CFAP97D2: variants seen among roughly 807,000 people sequenced by gnomAD.
CFAP97D2 encodes uncharacterized protein CFAP97D2.
At chr13:114,214,956 T>C (rs1245657977) in intron 4 of CFAP97D2, among the ~76,000 whole-genome samples, 1 of 152,232 alleles carries the variant, frequency 6.6e-6, no homozygotes, top group African/African-American at 2.4e-5. Context: ...ATTTAGGTTG[T>C]TTTCAGTTTT....
intron 1 of CFAP97D2, among the ~76,000 whole-genome samples, chr13:114,190,697 T>C (rs2080866365): frequency 6.6e-6 from 1 of 152,268 alleles, no homozygotes; most frequent in South Asian, 2.1e-4. Context: ...AAATGTTAGT[T>C]CTTTCCAATT....
chr13:114,213,698 A>G (rs1372054902), intron 4 of CFAP97D2, among the ~76,000 whole-genome samples: 1 of 143,106 alleles, frequency 7.0e-6, no homozygotes, highest in Admixed American at 7.0e-5. Flanking sequence ...CCCCTGCACA[A>G]GCTCCAGGAC....
intron 3 of CFAP97D2, among the ~76,000 whole-genome samples, chr13:114,205,589 G>T (rs2080936164): frequency 6.6e-6 from 1 of 152,150 alleles, no homozygotes; most frequent in South Asian, 2.1e-4. Flanking sequence ...TCTGTTGCAA[G>T]TGAAACAGCA....
chr13:114,179,613 G>GCTTT lies in CFAP97D2; in HGVS notation c.90+206_90+209dup, dbSNP rs754208065. Among the ~76,000 whole-genome samples, 2 of 151,886 alleles carry GCTTT rather than the reference G, an allele frequency of 1.3e-5. No individual in the cohort carries two copies. Among genetic ancestry groups the GCTTT allele is most frequent in the East Asian group, 3.9e-4 (2 of 5,176 alleles). On this transcript the variant is annotated intron_variant, in intron 1 of 4. Transcript: ENST00000646158. The surrounding 1 kb of genome is among the most constrained non-coding windows in gnomAD (Gnocchi z 4.8). ...TAAAAATCTCATTAAATAGTTGACG[G>GCTTT]CTTTCTTTCTTTCTTTTTTTTTTTT...
At chr13:114,190,049 G>A (rs1409707165) in intron 1 of CFAP97D2, among the ~76,000 whole-genome samples, 2 of 152,068 alleles carry the variant, frequency 1.3e-5, no homozygotes, top group Non-Finnish European at 2.9e-5. Flanking sequence ...AGTGGAGATG[G>A]GAGGATCACT....
intron 4 of CFAP97D2, among the ~76,000 whole-genome samples, chr13:114,221,624 T>G (rs553586917): frequency 1.3e-5 from 2 of 152,172 alleles, no homozygotes; most frequent in East Asian, 3.9e-4. Flanking sequence ...GGAACCCTCA[T>G]AGGCTGCTGG....
rs1379194706 is a variant in CFAP97D2 at position 114,179,563 on chromosome 13, A to T, written c.90+143A>T. On this transcript the variant is annotated intron_variant, in intron 1 of 4. Transcript: ENST00000646158. The surrounding 1 kb of genome is among the most constrained non-coding windows in gnomAD (Gnocchi z 4.8). ...GGTTGAAATGACATTTCCTAACAAG[A>T]TTCATCATCTATGTTGCCATACAAT... 5.1e-6 allele frequency: 2 copies of T among 393,382 alleles called. No homozygotes were observed. The highest frequency in any genetic ancestry group is 8.9e-5 in the Admixed American group (2 of 22,562). The allele number at this position is 393,382 out of a possible 1,614,324, so 24.4% of individuals were successfully genotyped here. A position where few individuals can be genotyped will look rare whatever the true frequency, so the allele number is the denominator to read the frequency against.
intron 4 of CFAP97D2, among the ~76,000 whole-genome samples, chr13:114,215,486 T>C (rs1178213865): frequency 6.6e-6 from 1 of 152,200 alleles, no homozygotes; most frequent in Non-Finnish European, 1.5e-5. Context: ...CAAGCTAAGA[T>C]TATGCAAGTA....
Position 114,211,245 on chromosome 13 carries a change from T to C in CFAP97D2, c.291-667T>C, listed in dbSNP as rs2080965419. ...TCCCTCTCCATCCAATGCAGCCTCCTGAACAGGTTTCACCGGTCCCATCTC... is the reference window on the plus strand; with the variant it reads ...TCCCTCTCCATCCAATGCAGCCTCCCGAACAGGTTTCACCGGTCCCATCTC... On this transcript the variant is annotated intron_variant, in intron 3 of 4. Coordinates refer to ENST00000646158, the Ensembl canonical transcript of CFAP97D2. The surrounding 1 kb of genome is among the most constrained non-coding windows in gnomAD (Gnocchi z 4.2). Among the ~76,000 whole-genome samples the C allele has an allele frequency of 6.6e-6, 1 of 152,168 alleles. No homozygotes were observed. The highest frequency in any genetic ancestry group is 1.5e-5 in the Non-Finnish European group (1 of 68,020).
At chr13:114,194,347 A>G (rs2080878538) in intron 1 of CFAP97D2, among the ~76,000 whole-genome samples, 1 of 152,244 alleles carries the variant, frequency 6.6e-6, no homozygotes, top group Non-Finnish European at 1.5e-5. Flanking sequence ...TATACAGAAA[A>G]TGTCAGGCAT....
Position 114,217,102 on chromosome 13 carries a change from T to C in CFAP97D2, c.480+5001T>C, listed in dbSNP as rs1594523301. 3.3e-5 allele frequency among the ~76,000 whole-genome samples: 5 copies of C among 152,230 alleles called. No homozygotes were observed. The South Asian group carries it at 1.0e-3, about 32-fold the overall frequency. ...CATAAATGTCTTCTTTTGAGAAGTG[T>C]CTGTTCATATGCTTTGCCCACTTTT... On this transcript the variant is annotated intron_variant, in intron 4 of 4. Transcript: ENST00000646158.
chr13:114,200,761 G>A (rs2080914168), intron 3 of CFAP97D2, among the ~76,000 whole-genome samples: 1 of 152,226 alleles, frequency 6.6e-6, no homozygotes, highest in Admixed American at 6.5e-5. Context: ...GTGTGGTACG[G>A]GCTCTTGTGC....
At chr13:114,198,255 A>G (rs931575102) in intron 2 of CFAP97D2, among the ~76,000 whole-genome samples, 3 of 152,204 alleles carry the variant, frequency 2.0e-5, no homozygotes, top group Non-Finnish European at 2.9e-5. Context: ...TGAGAATTGC[A>G]TGGTTATCTC....
chr13:114,187,442 T>C lies in CFAP97D2; in HGVS notation c.90+8022T>C, dbSNP rs1375684361. 4.0e-5 allele frequency among the ~76,000 whole-genome samples: 6 copies of C among 151,798 alleles called. No individual in the cohort carries two copies. Among genetic ancestry groups the C allele is most frequent in the Admixed American group, 1.3e-4 (2 of 15,244 alleles). ...TAAAAGTAAATGATTGAAAAAAATA[T>C]ACCATGTCAACACAAGTCAAAAGAA... On this transcript the variant is annotated intron_variant, in intron 1 of 4. Transcript: ENST00000646158. The surrounding 1 kb of genome is among the most constrained non-coding windows in gnomAD (Gnocchi z 4.2).
At chr13:114,220,070 A>C (rs747850005) in intron 4 of CFAP97D2, among the ~76,000 whole-genome samples, 37 of 152,046 alleles carry the variant, frequency 2.4e-4, no homozygotes, top group African/African-American at 8.7e-4. Flanking sequence ...AAGAAAAACA[A>C]AGTTAATTTA....
At chr13:114,213,210 T>C (rs1156845282) in intron 4 of CFAP97D2, among the ~76,000 whole-genome samples, 1 of 152,240 alleles carries the variant, frequency 6.6e-6, no homozygotes, top group South Asian at 2.1e-4. Context: ...ATCCAGCCCA[T>C]CATAAGGAAA....
At chr13:114,196,587 A>G (rs1295023724) in intron 2 of CFAP97D2, 111 bp downstream of exon 2, 1 of 396,436 alleles carries the variant, frequency 2.5e-6, no homozygotes, top group East Asian at 3.6e-5. Flanking sequence ...CTCACCGAAG[A>G]CAAAATGCAG....
At chr13:114,221,518 T>C (rs2081022068) in intron 4 of CFAP97D2, among the ~76,000 whole-genome samples, 1 of 152,218 alleles carries the variant, frequency 6.6e-6, no homozygotes, top group Admixed American at 6.5e-5. Context: ...TCAATGTTAT[T>C]AGTAAATGCA....
At position 114,207,952 on chromosome 13, in the gene CFAP97D2, T is replaced by TAA. The variant is rs1326544349; in HGVS notation, c.291-3958_291-3957dup. Among the ~76,000 whole-genome samples the TAA allele has an allele frequency of 2.0e-5, 3 of 152,064 alleles. No homozygotes were observed. Among genetic ancestry groups the TAA allele is most frequent in the Non-Finnish European group, 4.4e-5 (3 of 68,022 alleles). On this transcript the variant is annotated intron_variant, in intron 3 of 4. Coordinates refer to ENST00000646158, the Ensembl canonical transcript of CFAP97D2. The surrounding 1 kb of genome is among the most constrained non-coding windows in gnomAD (Gnocchi z 4.9). ...GCAAGGAGAAGCTGTATCCAGAAAG[T>TAA]AAAGAATCTGTAATCAATGCATCTC...
Sources: gnomAD v4.1 joint callset for allele counts (sites outside exome capture counted in the v4.1 genomes callset) on GRCh38, gnomAD v4.1.1 for gene constraint, Gnocchi (gnomAD v3.1) non-coding constraint, MANE v1.5 for transcripts, NCBI Gene and HGNC (gene_info 2026-07-23, HGNC 2026-07-21) for gene names.